Variants in NEGR1 observed in about 807,000 individuals in gnomAD.
NEGR1 encodes neuronal growth regulator 1.
A neutral mutation model predicts 40.9 loss-of-function variants in NEGR1; 10 were observed. The ratio of observed to expected loss-of-function variants is 0.24; its 90% confidence interval spans 0.15 to 0.42. The LOEUF (loss-of-function observed/expected upper bound fraction) is 0.42. Ranked by LOEUF, NEGR1 falls within the 10% of genes least tolerant of loss-of-function variation. NEGR1 has a pLI of 1.00. For missense variants in NEGR1, 352 were observed against 438.9 expected (o/e 0.80, Z 1.77); for synonymous variants, 185 against 166.8 (o/e 1.11, Z -0.84).
At chr1:71,505,055 A>G (rs1342562060) in intron 6 of NEGR1, among the ~76,000 whole-genome samples, 1 of 152,154 alleles carries the variant, frequency 6.6e-6, no homozygotes, top group Non-Finnish European at 1.5e-5. Flanking sequence ...AGTTTGCAAA[A>G]AACGATATTG....
intron 2 of NEGR1, among the ~76,000 whole-genome samples, chr1:71,887,676 TA>T (rs1400538434): frequency 6.6e-6 from 1 of 152,164 alleles, no homozygotes; most frequent in Non-Finnish European, 1.5e-5. Flanking sequence ...TCCAGCTTTT[TA>T]AAACTATATA....
rs1570183200 is a variant in NEGR1 at position 71,674,312 on chromosome 1, C to A, written c.667+23696G>T. Among the ~76,000 whole-genome samples, 4 of 152,198 alleles carry A rather than the reference C, an allele frequency of 2.6e-5. No individual in the cohort carries two copies. In the Middle Eastern group the frequency reaches 0.01, roughly 388 times the overall value. On this transcript the variant is annotated intron_variant, in intron 4 of 6. Coordinates refer to ENST00000357731, the MANE Select transcript of NEGR1 (RefSeq NM_173808.3). ...ATGTAATTTGTCACCTGCAGAAATA[C>A]CTTGATAACTGCAAAATGAGCATTA...
At chr1:72,243,775 G>A (rs1167284814) in intron 1 of NEGR1, among the ~76,000 whole-genome samples, 1 of 151,736 alleles carries the variant, frequency 6.6e-6, no homozygotes, top group Non-Finnish European at 1.5e-5. Flanking sequence ...TATGCATTAA[G>A]AGCCTCATAT....
At chr1:71,718,109 A>G (rs1033936893) in intron 3 of NEGR1, among the ~76,000 whole-genome samples, 38 of 152,178 alleles carry the variant, frequency 2.5e-4, no homozygotes, top group Admixed American at 9.8e-4. Flanking sequence ...GTAAAGGCGA[A>G]TCATGGCTGT....
chr1:72,132,178 G>A (rs1168210376), intron 1 of NEGR1, among the ~76,000 whole-genome samples: 1 of 152,070 alleles, frequency 6.6e-6, no homozygotes, highest in African/African-American at 2.4e-5. Flanking sequence ...GGACACAACT[G>A]GAACGGTAAA....
At chr1:72,088,300 C>G (rs1344714584) in intron 1 of NEGR1, among the ~76,000 whole-genome samples, 1 of 152,102 alleles carries the variant, frequency 6.6e-6, no homozygotes, top group Non-Finnish European at 1.5e-5. Flanking sequence ...CTACTGAAAT[C>G]AGAAACTTTG....
chr1:71,784,468 G>C (rs1656840594), intron 2 of NEGR1, among the ~76,000 whole-genome samples: 1 of 152,116 alleles, frequency 6.6e-6, no homozygotes, highest in East Asian at 1.9e-4. Flanking sequence ...CTCACTGAGA[G>C]CAGCATAGTG....
intron 2 of NEGR1, among the ~76,000 whole-genome samples, chr1:71,812,145 G>A (rs555028501): frequency 1.3e-5 from 2 of 152,112 alleles, no homozygotes; most frequent in South Asian, 4.2e-4. Flanking sequence ...AGAACATGCA[G>A]TGTTTGGTTT....
chr1:72,232,333 G>T (rs759331842), intron 1 of NEGR1, among the ~76,000 whole-genome samples: 1 of 150,786 alleles, frequency 6.6e-6, no homozygotes, highest in Non-Finnish European at 1.5e-5. Flanking sequence ...TCCAGCCTGG[G>T]TGACAGAGCC....
intron 1 of NEGR1, among the ~76,000 whole-genome samples, chr1:72,229,552 AT>A (rs1409305203): frequency 6.7e-6 from 1 of 150,296 alleles, no homozygotes; most frequent in African/African-American, 2.4e-5. Context: ...GGCAATATAT[AT>A]AATATATAAT....
At chr1:71,719,499 T>C (rs552643865) in intron 3 of NEGR1, among the ~76,000 whole-genome samples, 1 of 152,112 alleles carries the variant, frequency 6.6e-6, no homozygotes, top group Non-Finnish European at 1.5e-5. Context: ...TAAGAATGGA[T>C]GCAAAGCAAT....
chr1:71,410,665 CATTGTTGGGGGATG>C (rs1646313655), intron 6 of NEGR1, among the ~76,000 whole-genome samples: 1 of 151,982 alleles, frequency 6.6e-6, no homozygotes, highest in East Asian at 1.9e-4. Context: ...TATAACATTC[CATTGTTGGGGGATG>C]CCATTGTTAT....
chr1:71,476,521 T>C (rs1040211216), intron 6 of NEGR1, among the ~76,000 whole-genome samples: 14 of 151,966 alleles, frequency 9.2e-5, no homozygotes, highest in African/African-American at 2.7e-4. Context: ...TAGTAACGTG[T>C]GGGGTAGGAG....
chr1:71,805,335 C>T (rs1000755374), intron 2 of NEGR1, among the ~76,000 whole-genome samples: 10 of 152,092 alleles, frequency 6.6e-5, no homozygotes, highest in African/African-American at 1.7e-4. Flanking sequence ...ACACTCCCTC[C>T]CCTTTTGAAA....
At chr1:72,254,477 C>T (rs1253060488) in intron 1 of NEGR1, among the ~76,000 whole-genome samples, 5 of 152,030 alleles carry the variant, frequency 3.3e-5, no homozygotes, top group East Asian at 1.9e-4. Context: ...CCGAGGCGGG[C>T]GGATCACGAG....
intron 2 of NEGR1, among the ~76,000 whole-genome samples, chr1:71,809,633 T>A (rs1657915959): frequency 6.6e-6 from 1 of 152,094 alleles, no homozygotes; most frequent in South Asian, 2.1e-4. Flanking sequence ...AGTAAACAAT[T>A]AAATAAATAA....
intron 1 of NEGR1, among the ~76,000 whole-genome samples, chr1:72,198,849 CTTTA>C (rs886774793): frequency 6.6e-6 from 1 of 151,856 alleles, no homozygotes; most frequent in African/African-American, 2.4e-5. Context: ...CTTATTTTTA[CTTTA>C]TTTCTTTAAT....
intron 1 of NEGR1, among the ~76,000 whole-genome samples, chr1:72,019,336 A>G (rs1468254340): frequency 1.3e-5 from 2 of 152,250 alleles, no homozygotes; most frequent in Non-Finnish European, 2.9e-5. Context: ...GCATATTTGC[A>G]TAATCACTGC....
intron 2 of NEGR1, among the ~76,000 whole-genome samples, chr1:71,794,810 CA>C (rs1657258977): frequency 6.6e-6 from 1 of 151,922 alleles, no homozygotes; most frequent in African/African-American, 2.4e-5. Flanking sequence ...AGCCACATTG[CA>C]GGAAGCATTC....
Sources: allele counts gnomAD v4.1 joint callset (sites outside exome capture counted in the v4.1 genomes callset), GRCh38; gene constraint gnomAD v4.1.1; transcripts MANE v1.5; gene names NCBI Gene and HGNC (gene_info 2026-07-23, HGNC 2026-07-21).